CSNK1G1: variants seen among roughly 807,000 people sequenced by gnomAD.
CSNK1G1 encodes casein kinase I isoform gamma-1.
A neutral mutation model predicts 59.6 loss-of-function variants in CSNK1G1; 22 were observed. The ratio of observed to expected loss-of-function variants is 0.37; its 90% confidence interval spans 0.26 to 0.53. The LOEUF (loss-of-function observed/expected upper bound fraction) is 0.53. CSNK1G1 is among the 20% of genes least tolerant of loss of function. The probability of loss-of-function intolerance (pLI) is 0.89; values close to 1 mark genes in which losing one functional copy is unlikely to be tolerated. For synonymous variants in CSNK1G1, 179 were observed against 177.1 expected (o/e 1.01, Z -0.08); for missense variants, 384 against 519.5 (o/e 0.74, Z 2.54).
chr15:64,294,942 CG>C (rs1318307288), intron 2 of CSNK1G1, among the ~76,000 whole-genome samples: 3 of 137,950 alleles, frequency 2.2e-5, no homozygotes, highest in African/African-American at 5.4e-5. Flanking sequence ...AAAAGAGGGT[CG>C]GGGGGTGGCC....
chr15:64,227,812 A>G (rs1480731898), intron 4 of CSNK1G1, among the ~76,000 whole-genome samples: 2 of 152,210 alleles, frequency 1.3e-5, no homozygotes, highest in Admixed American at 1.3e-4. Flanking sequence ...CCCAAATAAT[A>G]CAACCAAATC....
intron 3 of CSNK1G1, among the ~76,000 whole-genome samples, chr15:64,258,034 C>CA (rs1892482257): frequency 6.6e-6 from 1 of 152,144 alleles, no homozygotes; most frequent in Non-Finnish European, 1.5e-5. Flanking sequence ...CAGTTCCTCA[C>CA]AAGACAACCC....
At chr15:64,327,072 T>A (rs1004288320) in intron 1 of CSNK1G1, among the ~76,000 whole-genome samples, 1 of 151,296 alleles carries the variant, frequency 6.6e-6, no homozygotes, top group Non-Finnish European at 1.5e-5. Context: ...GAGATCAAAC[T>A]GCAAGGAGGC....
chr15:64,191,203 G>C (rs1017781607), intron 10 of CSNK1G1, among the ~76,000 whole-genome samples: 1 of 151,964 alleles, frequency 6.6e-6, no homozygotes, highest in Non-Finnish European at 1.5e-5. Flanking sequence ...CTGGGACTAC[G>C]GACGCGCGCC....
chr15:64,180,594 A>C, intron 10 of CSNK1G1, 140 bp from the exon 11 acceptor site: 1 of 660,898 alleles, frequency 1.5e-6, no homozygotes, highest in Non-Finnish European at 2.7e-6. Flanking sequence ...GAAGGTTCCC[A>C]GGCCCATATC....
chr15:64,265,171 T>C (rs530886671), intron 2 of CSNK1G1, among the ~76,000 whole-genome samples: 4 of 152,140 alleles, frequency 2.6e-5, no homozygotes, highest in Non-Finnish European at 5.9e-5. Flanking sequence ...AGTTACAGGA[T>C]ACAAAATTAA....
At chr15:64,288,415 TAAG>T (rs753046753) in intron 2 of CSNK1G1, among the ~76,000 whole-genome samples, 1 of 152,022 alleles carries the variant, frequency 6.6e-6, no homozygotes, top group Non-Finnish European at 1.5e-5. Context: ...TATTTAGAAA[TAAG>T]GAGGTATCTA....
At chr15:64,269,962 CCTGA>C (rs1455428879) in intron 2 of CSNK1G1, among the ~76,000 whole-genome samples, 1 of 151,964 alleles carries the variant, frequency 6.6e-6, no homozygotes, top group Non-Finnish European at 1.5e-5. Flanking sequence ...CGCCACCAGA[CCTGA>C]CTAATTTTTT....
chr15:64,350,751 G>A (rs1898242039), intron 1 of CSNK1G1, among the ~76,000 whole-genome samples: 1 of 152,080 alleles, frequency 6.6e-6, no homozygotes, highest in Non-Finnish European at 1.5e-5. Flanking sequence ...AACATAAAAG[G>A]GGTTGGGAGA....
At chr15:64,307,605 A>G (rs558573009) in intron 1 of CSNK1G1, among the ~76,000 whole-genome samples, 1 of 152,342 alleles carries the variant, frequency 6.6e-6, no homozygotes, top group South Asian at 2.1e-4. Context: ...ACACCACAGT[A>G]TATCTAATCT....
At chr15:64,268,223 C>T (rs1474183090) in intron 2 of CSNK1G1, among the ~76,000 whole-genome samples, 1 of 152,110 alleles carries the variant, frequency 6.6e-6, no homozygotes, top group Non-Finnish European at 1.5e-5. Flanking sequence ...TAGCCAGGCA[C>T]AGAAACACAA....
At chr15:64,218,048 G>A (rs1233124783) in intron 4 of CSNK1G1, among the ~76,000 whole-genome samples, 1 of 151,772 alleles carries the variant, frequency 6.6e-6, no homozygotes, top group East Asian at 1.9e-4. Context: ...GGACTAACGC[G>A]ATCTTCCCAG....
intron 2 of CSNK1G1, among the ~76,000 whole-genome samples, chr15:64,260,195 G>T (rs1440246137): frequency 2.0e-5 from 3 of 152,098 alleles, no homozygotes; most frequent in African/African-American, 7.2e-5. Flanking sequence ...AATATCTTGA[G>T]GATAGGGATT....
rs1555501874 is a variant in CSNK1G1, at chr15:64,231,446, T to TATAC, written c.293-14734_293-14733insGTAT. 9.3e-4 allele frequency among the ~76,000 whole-genome samples: 138 copies of TATAC among 148,660 alleles called. 2 individuals carry two copies. The highest frequency in any genetic ancestry group is 3.2e-3 in the African/African-American group (131 of 40,674). On this transcript the variant is annotated intron_variant, in intron 4 of 11. Coordinates refer to ENST00000303052, the MANE Select transcript of CSNK1G1 (RefSeq NM_022048.5). Reference sequence around the variant, plus strand: ...ATATATATTAGGATATATATATATATACACACACACATATACATATATATA... The same window carrying TATAC: ...ATATATATTAGGATATATATATATATATACACACACACACATATACATATATATA...
At position 64,320,233 on chromosome 15, in the gene CSNK1G1, C is replaced by T. The variant is rs77537023; in HGVS notation, c.-224-19510G>A. ...AGATAATTCCACCGAAACAGGCACA[C>T]GTCAAAAAAACAAATGCATTAATGA... is the stretch of plus-strand genomic sequence containing the variant. On this transcript the variant is annotated intron_variant, in intron 1 of 11. Coordinates refer to ENST00000303052, the MANE Select transcript of CSNK1G1 (RefSeq NM_022048.5). Among the ~76,000 whole-genome samples the T allele has an allele frequency of 1.4e-4, 21 of 151,748 alleles. No homozygotes were observed. In the East Asian group the frequency reaches 2.9e-3, roughly 21 times the overall value.
intron 4 of CSNK1G1, among the ~76,000 whole-genome samples, chr15:64,220,117 C>G (rs2082367413): frequency 6.8e-6 from 1 of 147,330 alleles, no homozygotes; most frequent in South Asian, 2.1e-4. Context: ...TTTTTTGAGA[C>G]AGAGTCTTGC....
intron 2 of CSNK1G1, among the ~76,000 whole-genome samples, chr15:64,297,349 G>A (rs1464089274): frequency 6.6e-6 from 1 of 151,884 alleles, no homozygotes; most frequent in East Asian, 1.9e-4. Context: ...AACCCACTAC[G>A]CAAAATTTTA....
At chr15:64,318,155 A>G (rs1896371822) in intron 1 of CSNK1G1, among the ~76,000 whole-genome samples, 1 of 151,610 alleles carries the variant, frequency 6.6e-6, no homozygotes, top group African/African-American at 2.4e-5. Flanking sequence ...AATTTTTACA[A>G]AAAATTAATC....
chr15:64,307,787 C>T (rs1246973137), intron 1 of CSNK1G1, among the ~76,000 whole-genome samples: 5 of 152,118 alleles, frequency 3.3e-5, no homozygotes, highest in East Asian at 1.9e-4. Context: ...CCCGGGTTCA[C>T]GCCATTCTCC....
Sources: gnomAD v4.1 joint callset for allele counts (sites outside exome capture counted in the v4.1 genomes callset) on GRCh38, gnomAD v4.1.1 for gene constraint, MANE v1.5 for transcripts, NCBI Gene and HGNC (gene_info 2026-07-23, HGNC 2026-07-21) for gene names.